NRXN3: variants seen among roughly 807,000 people sequenced by gnomAD.
NRXN3 encodes neurexin 3.
Under a neutral mutation model 137.6 loss-of-function variants are expected in NRXN3, and 32 were observed. The ratio of observed to expected loss-of-function variants is 0.23; its 90% confidence interval spans 0.18 to 0.31. NRXN3 has a LOEUF of 0.31. NRXN3 is among the 10% of genes least tolerant of loss of function. The pLI is 1.00. For missense variants in NRXN3, 1,574 were observed against 2,062.5 expected, an observed-to-expected ratio of 0.76 and a Z score of 4.59; for synonymous variants, 798 against 784.5, an observed-to-expected ratio of 1.02 and a Z score of -0.29.
chr14:79,380,976 GA>G (rs373459771), intron 15 of NRXN3, among the ~76,000 whole-genome samples: 2 of 152,140 alleles, frequency 1.3e-5, no homozygotes, highest in African/African-American at 4.8e-5. Flanking sequence ...ATGTAGTTGA[GA>G]ATCCATTACT....
At chr14:78,232,186 G>C (rs2065513988) in intron 1 of NRXN3, among the ~76,000 whole-genome samples, 1 of 152,254 alleles carries the variant, frequency 6.6e-6, no homozygotes, top group Non-Finnish European at 1.5e-5. Flanking sequence ...GTGAAGCTGG[G>C]GGCTGTCTGG....
At chr14:79,737,741 T>C (rs927735771) in intron 19 of NRXN3, among the ~76,000 whole-genome samples, 3 of 151,958 alleles carry the variant, frequency 2.0e-5, no homozygotes, top group Non-Finnish European at 4.4e-5. Context: ...TTTTTTTTTT[T>C]TAAGTCAGGG....
chr14:79,418,448 T>C (rs1447956283), intron 15 of NRXN3, among the ~76,000 whole-genome samples: 3 of 152,164 alleles, frequency 2.0e-5, no homozygotes, highest in Non-Finnish European at 4.4e-5. Flanking sequence ...GTTAAAACCA[T>C]GGGCAATAAA....
chr14:78,193,100 G>A (rs1418945215), intron 1 of NRXN3, among the ~76,000 whole-genome samples: 2 of 152,168 alleles, frequency 1.3e-5, no homozygotes, highest in Non-Finnish European at 2.9e-5. Context: ...TTCTTGGGTA[G>A]AGCTTTAAGG....
intron 15 of NRXN3, among the ~76,000 whole-genome samples, chr14:79,265,469 G>A (rs1241297671): frequency 1.3e-5 from 2 of 151,902 alleles, no homozygotes; most frequent in African/African-American, 2.4e-5. Flanking sequence ...GAAGAGAAAT[G>A]TTCAAGAAGA....
At chr14:79,712,518 TGA>T (rs1419915938) in intron 19 of NRXN3, among the ~76,000 whole-genome samples, 1 of 152,236 alleles carries the variant, frequency 6.6e-6, no homozygotes, top group Non-Finnish European at 1.5e-5. Context: ...TTCTAGAGAC[TGA>T]GGATACAGCA....
At chr14:78,977,805 T>G (rs2099473505) in intron 14 of NRXN3, among the ~76,000 whole-genome samples, 1 of 152,208 alleles carries the variant, frequency 6.6e-6, no homozygotes, top group African/African-American at 2.4e-5. Context: ...CTAGGAATTT[T>G]GTAAGCCAGT....
At chr14:79,471,314 G>A (rs1423028999) in intron 16 of NRXN3, among the ~76,000 whole-genome samples, 1 of 152,056 alleles carries the variant, frequency 6.6e-6, no homozygotes, top group Non-Finnish European at 1.5e-5. Flanking sequence ...TGAGAACAGC[G>A]GGCAAATCCA....
At chr14:79,392,450 CATA>C (rs2094879547) in intron 15 of NRXN3, among the ~76,000 whole-genome samples, 1 of 152,162 alleles carries the variant, frequency 6.6e-6, no homozygotes, top group African/African-American at 2.4e-5. Context: ...CTGCAATAAA[CATA>C]CATGTGCTTG....
intron 4 of NRXN3, among the ~76,000 whole-genome samples, chr14:78,628,076 T>C (rs914509563): frequency 6.6e-6 from 1 of 151,778 alleles, no homozygotes; most frequent in Non-Finnish European, 1.5e-5. Flanking sequence ...GAGTTCTTTT[T>C]TTTTTTTTTT....
At chr14:78,864,988 G>C (rs1041168123) in intron 10 of NRXN3, among the ~76,000 whole-genome samples, 10 of 152,160 alleles carry the variant, frequency 6.6e-5, no homozygotes, top group African/African-American at 2.2e-4. Context: ...GTGAGAGAAA[G>C]TCAAAGAGAT....
intron 19 of NRXN3, among the ~76,000 whole-genome samples, chr14:79,764,962 C>A (rs12432699): frequency 1.3e-5 from 2 of 152,062 alleles, no homozygotes; most frequent in Non-Finnish European, 2.9e-5. Context: ...TACTAATATT[C>A]TGATTTTTAA....
intron 16 of NRXN3, among the ~76,000 whole-genome samples, chr14:79,496,222 C>G (rs2096765108): frequency 7.0e-6 from 1 of 143,714 alleles, no homozygotes; most frequent in Non-Finnish European, 1.5e-5. Context: ...AATTCTCTCT[C>G]TCTCTCTCTC....
At chr14:79,064,733 GTA>G (rs1379394575) in intron 15 of NRXN3, among the ~76,000 whole-genome samples, 1 of 53,048 alleles carries the variant, frequency 1.9e-5, no homozygotes, top group South Asian at 8.1e-4. Flanking sequence ...CCATATATAT[GTA>G]TATGTATATA....
chr14:79,200,908 T>C (rs2065906996), intron 15 of NRXN3: 1 of 144,454 alleles, frequency 6.9e-6, no homozygotes, highest in Admixed American at 7.2e-5. Context: ...GGCAACTATC[T>C]CTCAAGTAAT....
chr14:78,904,186 A>C (rs1260649162), intron 10 of NRXN3, among the ~76,000 whole-genome samples: 1 of 152,064 alleles, frequency 6.6e-6, no homozygotes, highest in Non-Finnish European at 1.5e-5. Flanking sequence ...TTTTTAGGGC[A>C]GTTGTTCTCA....
chr14:79,547,472 C>A (rs1423548487), intron 16 of NRXN3, among the ~76,000 whole-genome samples: 7 of 152,112 alleles, frequency 4.6e-5, no homozygotes, highest in African/African-American at 1.7e-4. Flanking sequence ...CAAATCTTGC[C>A]TCAAATTATG....
intron 2 of NRXN3, among the ~76,000 whole-genome samples, chr14:78,275,762 C>T (rs915468871): frequency 6.6e-6 from 1 of 152,124 alleles, no homozygotes; most frequent in African/African-American, 2.4e-5. Flanking sequence ...TGGGGGTCAC[C>T]TCTAGCAAAC....
At chr14:78,230,213 C>T (rs1003045418) in intron 1 of NRXN3, among the ~76,000 whole-genome samples, 3 of 151,814 alleles carry the variant, frequency 2.0e-5, no homozygotes, top group Admixed American at 1.3e-4. Flanking sequence ...TTAGTAGAGA[C>T]AAGGTTTCAC....
Sources: gnomAD v4.1 joint callset for allele counts (sites outside exome capture counted in the v4.1 genomes callset) on GRCh38, gnomAD v4.1.1 for gene constraint, MANE v1.5 for transcripts, NCBI Gene and HGNC (gene_info 2026-07-23, HGNC 2026-07-21) for gene names.